The following VNN1 variants were observed in gnomAD, a reference collection of about 807,000 sequenced individuals.
VNN1 encodes the protein pantetheinase.
VNN1 carries 29 observed loss-of-function variants against 41.9 expected under a neutral mutation model. The ratio of observed to expected loss-of-function variants is 0.69; its 90% CI spans 0.52 to 0.94. VNN1 has a LOEUF of 0.94. Ranked by LOEUF, VNN1 falls within the 40% of genes least tolerant of loss-of-function variation. The pLI, the probability that VNN1 is intolerant of heterozygous loss-of-function variation, is 0.00. For missense variants in VNN1, 637 were observed against 621.1 expected (o/e 1.03, Z -0.27); for synonymous variants, 233 against 224.4 (o/e 1.04, Z -0.34).
At chr6:132,696,470 CCAAGAGA>C (rs1301688088) in intron 2 of VNN1, among the ~76,000 whole-genome samples, 1 of 151,938 alleles carries the variant, frequency 6.6e-6, no homozygotes, top group Admixed American at 6.6e-5. Context: ...TCAACAAACT[CCAAGAGA>C]ATGAATTCAA....
At chr6:132,697,430 A>T (rs2247284) in intron 2 of VNN1, among the ~76,000 whole-genome samples, 65,755 of 151,924 alleles carry the variant, frequency 0.43, 15,361 homozygotes, top group African/African-American at 0.59. Flanking sequence ...AGTATGAAAC[A>T]ATGGAAATCC....
At chr6:132,699,965 G>A (rs969555286) in intron 2 of VNN1, among the ~76,000 whole-genome samples, 6 of 152,164 alleles carry the variant, frequency 3.9e-5, no homozygotes, top group Non-Finnish European at 8.8e-5. Flanking sequence ...TTTGAAAGTA[G>A]CACTAAAATT....
At chr6:132,703,548 C>T (rs1033242539) in intron 2 of VNN1, among the ~76,000 whole-genome samples, 4 of 151,938 alleles carry the variant, frequency 2.6e-5, no homozygotes, top group African/African-American at 9.7e-5. Context: ...AATCAAAAAA[C>T]CTACAACAGA....
At position 132,703,863 on chromosome 6, in the gene VNN1, C is replaced by T. The variant is rs115049775; in HGVS notation, c.341+7846G>A. On this transcript the variant is annotated intron_variant, in intron 2 of 6. Coordinates refer to ENST00000367928, the MANE Select transcript of VNN1 (RefSeq NM_004666.3). Reference sequence around the variant, plus strand: ...ACACAGACAGAAAATAAAGGGATAGCAAAGATTTCCATGCAAATGGAAAAC... The same window carrying T: ...ACACAGACAGAAAATAAAGGGATAGTAAAGATTTCCATGCAAATGGAAAAC... Among the ~76,000 whole-genome samples the T allele has an allele frequency of 4.1e-3, 628 of 152,094 alleles. 8 individuals carry two copies. Among genetic ancestry groups the T allele is most frequent in the African/African-American group, 0.014 (576 of 41,532 alleles).
rs1463636305 is a variant in VNN1 at position 132,693,110 on chromosome 6, G to A, written c.740C>T (p.Ala247Val). 2 of 1,614,120 alleles carry A rather than the reference G, an allele frequency of 1.2e-6. No homozygotes were observed. Among genetic ancestry groups the A allele is most frequent in the South Asian group, 1.1e-5 (1 of 91,084 alleles). Reference sequence around the variant, plus strand: ...AGCCCAAGCTGAGTGGAATTCAACAGCTGACAAATGTGGCAAAACATTCAT... The same window carrying A: ...AGCCCAAGCTGAGTGGAATTCAACAACTGACAAATGTGGCAAAACATTCAT... The part of the protein sequence containing the change: ...AWMNVLPHLS[A>V]VEFHSAWAMG... Residue 247 changes from alanine to valine, a missense_variant, in exon 4 of 7, where the codon GCT (alanine) becomes GTT (valine). Transcript: ENST00000367928.
chr6:132,693,794 C>A (rs1011819290), intron 3 of VNN1, among the ~76,000 whole-genome samples, 196 bp downstream of exon 3: 8 of 152,214 alleles, frequency 5.3e-5, no homozygotes, highest in Admixed American at 5.2e-4. Context: ...TGAAAACACA[C>A]TCCTGTGTTC....
In VNN1 at chr6:132,681,282, T is replaced by C. The variant is rs1287238453; in HGVS notation, c.*1858A>G. Among the ~76,000 whole-genome samples the C allele has an allele frequency of 6.6e-6, 1 of 152,174 alleles. No individual in the cohort carries two copies. The highest frequency in any genetic ancestry group is 1.5e-5 in the Non-Finnish European group (1 of 68,036). On this transcript the variant is annotated 3_prime_UTR_variant, in exon 7 of 7. Coordinates refer to ENST00000367928, the MANE Select transcript of VNN1 (RefSeq NM_004666.3). ...CTAGGAGAAGCCAGATGACATTTTA[T>C]GAAAGTTTTTCTAGCATCCTAAAGA...
At chr6:132,689,375 TGGG>T (rs1778251481) in intron 5 of VNN1, among the ~76,000 whole-genome samples, 1 of 152,070 alleles carries the variant, frequency 6.6e-6, no homozygotes, top group South Asian at 2.1e-4. Context: ...TAAGATTTCT[TGGG>T]GAAAAAAGTG....
chr6:132,713,728 A>G (rs1156803328), intron 1 of VNN1, 98 bp downstream of exon 1: 2 of 1,305,684 alleles, frequency 1.5e-6, no homozygotes, highest in Non-Finnish European at 2.1e-6. Flanking sequence ...TACATATATC[A>G]TCTAAAAGTG....
Position 132,711,718 on chromosome 6 carries a change from T to C in VNN1, c.332A>G (p.Asn111Ser). The C allele has an allele frequency of 1.9e-6, 3 of 1,611,076 alleles. No homozygotes were observed. Among genetic ancestry groups the C allele is most frequent in the Non-Finnish European group, 2.5e-6 (3 of 1,179,172 alleles). Reference sequence around the variant, plus strand: ...CAAGTTGTTTCTTTACCTGTTACGATTATTACAGGGGATCCAGTTTACTTC... The same window carrying C: ...CAAGTTGTTTCTTTACCTGTTACGACTATTACAGGGGATCCAGTTTACTTC... ...DPEVNWIPCNNRNRFGQTPVQ... is the reference protein window; with the variant it reads ...DPEVNWIPCNSRNRFGQTPVQ... The change falls in exon 2 of 7, where the codon AAT becomes AGT. Residue 111 changes from asparagine to serine, a missense_variant. Physicochemically the swap from Asn to Ser is conservative, Grantham distance 46. Transcript: ENST00000367928.
At chr6:132,712,386 GT>G (rs1048114088) in intron 1 of VNN1, among the ~76,000 whole-genome samples, 25 of 152,188 alleles carry the variant, frequency 1.6e-4, no homozygotes, top group African/African-American at 5.8e-4. Flanking sequence ...CCAACCTCAG[GT>G]GATCCGCCTG....
rs193001291 is a variant in VNN1 at position 132,699,645 on chromosome 6, A to G, written c.342-5463T>C. ...GTTACTGAAGAAAAATTCACCATCC[A>G]ACAATTCCTGAAATGGTTCCCTAAT... On this transcript the variant is annotated intron_variant, in intron 2 of 6. Transcript: ENST00000367928. 386 of 157,094 alleles carry G rather than the reference A, an allele frequency of 2.5e-3. 1 individual carries two copies. Among genetic ancestry groups the G allele is most frequent in the African/African-American group, 9.0e-3 (374 of 41,676 alleles). 9.7% of individuals were successfully genotyped at this position (157,094 alleles called of 1,614,324 possible). A position where few individuals can be genotyped will look rare whatever the true frequency, so the allele number is the denominator to read the frequency against.
intron 2 of VNN1, among the ~76,000 whole-genome samples, chr6:132,704,043 C>T (rs1004673279): frequency 1.1e-4 from 16 of 151,880 alleles, no homozygotes; most frequent in Non-Finnish European, 1.5e-4. Flanking sequence ...AACACTTGAG[C>T]ACACAGATAT....
At chr6:132,695,517 AT>A (rs1376275000) in intron 2 of VNN1, among the ~76,000 whole-genome samples, 1 of 152,138 alleles carries the variant, frequency 6.6e-6, no homozygotes, top group African/African-American at 2.4e-5. Context: ...CTGATCACTA[AT>A]TGTTGCTTCT....
intron 4 of VNN1, 126 bp from the exon 5 acceptor site, chr6:132,692,710 C>G: frequency 1.6e-6 from 2 of 1,276,106 alleles, no homozygotes; most frequent in Non-Finnish European, 2.1e-6. Flanking sequence ...TTATTAATTT[C>G]AGTAAAACAT....
intron 2 of VNN1, among the ~76,000 whole-genome samples, chr6:132,706,555 A>G (rs1203138059): frequency 2.0e-5 from 3 of 152,334 alleles, no homozygotes; most frequent in East Asian, 3.9e-4. Context: ...TGAAACTACT[A>G]AAAGAAAACT....
chr6:132,702,586 C>T (rs1170571118), intron 2 of VNN1, among the ~76,000 whole-genome samples: 1 of 152,142 alleles, frequency 6.6e-6, no homozygotes, highest in Non-Finnish European at 1.5e-5. Flanking sequence ...CCAGGCAGCA[C>T]AGCTCACAGC....
chr6:132,707,079 AG>A (rs1435411689), intron 2 of VNN1, among the ~76,000 whole-genome samples: 1 of 151,956 alleles, frequency 6.6e-6, no homozygotes, highest in African/African-American at 2.4e-5. Context: ...ATACAAAAAT[AG>A]CTGGGTGTAG....
rs1289632824 is a variant in VNN1 at position 132,693,993 on chromosome 6, A to C, written c.531T>G (p.His177Gln). 6.2e-7 allele frequency: 1 copy of C among 1,613,976 alleles called. No individual in the cohort carries two copies. Among genetic ancestry groups the C allele is most frequent in the Non-Finnish European group, 8.5e-7 (1 of 1,179,978 alleles). The change falls in exon 3 of 7, where the codon CAT becomes CAG. Residue 177 changes from histidine (H) to glutamine (Q), a missense_variant. Transcript: ENST00000367928. ...DSQGKLVARY[H>Q]KQNLFMGENQ... ...ATTATTTGCAAATTAATTTTACCTT[A>C]TGGTAGCGTGCCACCAGTTTTCCTT...
Sources: gnomAD v4.1 joint callset for allele counts (sites outside exome capture counted in the v4.1 genomes callset) on GRCh38, gnomAD v4.1.1 for gene constraint, MANE v1.5 for transcripts, NCBI Gene and HGNC (gene_info 2026-07-23, HGNC 2026-07-21) for gene names.